The following PPM1E variants were observed in gnomAD, a reference collection of about 807,000 sequenced individuals.
PPM1E encodes protein phosphatase 1E.
A neutral mutation model predicts 65.9 loss-of-function variants in PPM1E; 20 were observed. The observed-to-expected ratio is 0.30, with a 90% CI of 0.21 to 0.44. The LOEUF is 0.44. Ranked by LOEUF, PPM1E falls within the 20% of genes least tolerant of loss-of-function variation. The pLI is 1.00. For missense variants in PPM1E, 713 were observed against 953.1 expected (o/e 0.75, Z 3.32); for synonymous variants, 352 against 374.9 (o/e 0.94, Z 0.70).
intron 6 of PPM1E, among the ~76,000 whole-genome samples, chr17:58,973,369 A>G (rs1293582996): frequency 2.0e-5 from 3 of 151,462 alleles, no homozygotes; most frequent in Non-Finnish European, 2.9e-5. Context: ...GCTAGTGGAG[A>G]TCGCGCCATT....
At chr17:58,970,277 G>A (rs576285303) in intron 4 of PPM1E, among the ~76,000 whole-genome samples, 7 of 152,252 alleles carry the variant, frequency 4.6e-5, no homozygotes, top group South Asian at 2.1e-4. Context: ...CCTACATTGC[G>A]AAGGTTAATC....
chr17:58,774,066 G>A (rs1598561991), intron 1 of PPM1E, among the ~76,000 whole-genome samples: 1 of 152,048 alleles, frequency 6.6e-6, no homozygotes, highest in Non-Finnish European at 1.5e-5. Context: ...GGAGGCTGAG[G>A]CAGGAGAATC....
Position 58,984,878 on chromosome 17 carries a change from A to G in PPM1E, c.*3847A>G, listed in dbSNP as rs948156037. 2.0e-5 allele frequency: 3 copies of G among 152,696 alleles called. No homozygotes were observed. Among genetic ancestry groups the G allele is most frequent in the African/African-American group, 7.2e-5 (3 of 41,594 alleles). The allele number at this position is 152,696 out of a possible 1,614,324, so 9.5% of individuals were successfully genotyped here. On this transcript the variant is annotated 3_prime_UTR_variant, in exon 7 of 7. Transcript: ENST00000308249. Reference sequence around the variant, plus strand: ...TTGAAAAGGAAATAAACTTTGATGAATTAGATAATCCAGATACATCATTGT... The same window carrying G: ...TTGAAAAGGAAATAAACTTTGATGAGTTAGATAATCCAGATACATCATTGT...
rs535901128 is a variant in PPM1E at position 58,871,487 on chromosome 17, T to C, written c.465-84162T>C. ...CTCATCTTTGGGACTTATTTTGTCCTCATAAAGAGCCTTTTGTAGTTTTAA... is the reference window on the plus strand; with the variant it reads ...CTCATCTTTGGGACTTATTTTGTCCCCATAAAGAGCCTTTTGTAGTTTTAA... On this transcript the variant is annotated intron_variant, in intron 1 of 6. Transcript: ENST00000308249. 2.6e-5 allele frequency among the ~76,000 whole-genome samples: 4 copies of C among 152,266 alleles called. No homozygotes were observed. In the South Asian group the frequency reaches 8.3e-4, roughly 32 times the overall value.
chr17:58,822,716 GT>G (rs1226469248), intron 1 of PPM1E, among the ~76,000 whole-genome samples: 1 of 152,156 alleles, frequency 6.6e-6, no homozygotes, highest in Admixed American at 6.5e-5. Flanking sequence ...TTAATAGGTA[GT>G]TTTTTTCTGG....
intron 1 of PPM1E, among the ~76,000 whole-genome samples, chr17:58,805,448 C>T (rs1323235914): frequency 2.6e-5 from 4 of 152,046 alleles, no homozygotes; most frequent in African/African-American, 7.2e-5. Flanking sequence ...TGGGGTTTCT[C>T]CATGTTGGTC....
In PPM1E at chr17:58,794,171, C is replaced by T. The variant is rs184456100; in HGVS notation, c.464+37710C>T. Among the ~76,000 whole-genome samples the T allele has an allele frequency of 1.2e-3, 187 of 152,174 alleles. 1 individual carries two copies. The highest frequency in any genetic ancestry group is 4.3e-3 in the African/African-American group (178 of 41,536). Reference sequence around the variant, plus strand: ...AGTTGGCCAGGCTGGGTATAAACTCCTGACTTCAGGTGATCCGCCCACCTC... The same window carrying T: ...AGTTGGCCAGGCTGGGTATAAACTCTTGACTTCAGGTGATCCGCCCACCTC... On this transcript the variant is annotated intron_variant, in intron 1 of 6. Transcript: ENST00000308249.
intron 1 of PPM1E, among the ~76,000 whole-genome samples, chr17:58,922,579 GCATTGTATTC>G (rs2051766356): frequency 6.6e-6 from 1 of 151,672 alleles, no homozygotes; most frequent in African/African-American, 2.4e-5. Context: ...TTTAATGGCT[GCATTGTATTC>G]CATTGTATTT....
intron 1 of PPM1E, among the ~76,000 whole-genome samples, chr17:58,855,747 C>T (rs1009634429): frequency 6.6e-6 from 1 of 152,114 alleles, no homozygotes; most frequent in African/African-American, 2.4e-5. Context: ...ATAATAGTAA[C>T]AAACCATCCT....
intron 1 of PPM1E, among the ~76,000 whole-genome samples, chr17:58,864,263 T>C (rs2143314166): frequency 6.6e-6 from 1 of 152,282 alleles, no homozygotes; most frequent in Non-Finnish European, 1.5e-5. Flanking sequence ...CACGACAAGT[T>C]CTAACTAATG....
intron 1 of PPM1E, among the ~76,000 whole-genome samples, chr17:58,762,394 T>C (rs2049829589): frequency 6.6e-6 from 1 of 151,974 alleles, no homozygotes; most frequent in Admixed American, 6.6e-5. Flanking sequence ...GCCCAGGAGG[T>C]TGAGGTTGCA....
At chr17:58,848,173 G>A (rs1476338445) in intron 1 of PPM1E, among the ~76,000 whole-genome samples, 3 of 152,196 alleles carry the variant, frequency 2.0e-5, no homozygotes, top group Non-Finnish European at 2.9e-5. Context: ...GAGATTTGGG[G>A]CTGAGACGGT....
At chr17:58,873,626 C>A (rs896550208) in intron 1 of PPM1E, among the ~76,000 whole-genome samples, 3 of 149,900 alleles carry the variant, frequency 2.0e-5, no homozygotes, top group African/African-American at 7.3e-5. Context: ...CAGGGTCTCA[C>A]TTTGTCACCC....
intron 1 of PPM1E, among the ~76,000 whole-genome samples, chr17:58,852,541 G>T (rs1284216806): frequency 6.6e-6 from 1 of 150,628 alleles, no homozygotes; most frequent in African/African-American, 2.4e-5. Flanking sequence ...CTAATGATTA[G>T]TGATACTGAA....
intron 1 of PPM1E, among the ~76,000 whole-genome samples, chr17:58,780,152 TC>T (rs2050037187): frequency 6.6e-6 from 1 of 152,256 alleles, no homozygotes; most frequent in Non-Finnish European, 1.5e-5. Flanking sequence ...TAAAATCTTT[TC>T]TTAAATTCTT....
In PPM1E at chr17:58,980,493, C is replaced by A. The variant is rs768082592; in HGVS notation, c.1730C>A (p.Ala577Glu). The stretch of plus-strand genomic sequence containing the variant: ...TACCTAGATCTCACACAAATAGAAG[C>A]AAGCAAACCTCACAGTGCCCAGTTT... ...PGYLDLTQIE[A>E]SKPHSAQFLL... Residue 577 changes from alanine (A) to glutamate (E), a missense_variant, in exon 7 of 7, where the codon GCA (alanine) becomes GAA (glutamate). By Grantham distance (107) the Ala-to-Glu change is moderately radical. Coordinates refer to ENST00000308249, the MANE Select transcript of PPM1E (RefSeq NM_014906.5). The surrounding 1 kb of genome is among the most constrained non-coding windows in gnomAD (Gnocchi z 4.7). 11 of 1,614,064 alleles carry A rather than the reference C, an allele frequency of 6.8e-6. No individual in the cohort carries two copies.
At chr17:58,946,232 C>G (rs763901447) in intron 1 of PPM1E, among the ~76,000 whole-genome samples, 4 of 152,094 alleles carry the variant, frequency 2.6e-5, no homozygotes, top group Non-Finnish European at 4.4e-5. Context: ...TTCCAGTACC[C>G]CGTCACTCAG....
At chr17:58,816,776 ATATATATATATATATATATTTT>A (rs1406893283) in intron 1 of PPM1E, among the ~76,000 whole-genome samples, 469 of 11,328 alleles carry the variant, frequency 0.041, 10 homozygotes, top group Middle Eastern at 0.062. Context: ...ATATATATAT[ATATATATATATATATATATTTT>A]TTTTTTTTTT....
chr17:58,855,141 C>A (rs2143279726), intron 1 of PPM1E, among the ~76,000 whole-genome samples: 1 of 152,252 alleles, frequency 6.6e-6, no homozygotes, highest in Middle Eastern at 3.4e-3. Context: ...CGAGAAAAAT[C>A]CCCCTGTGCT....
Sources: gnomAD v4.1 joint callset for allele counts (sites outside exome capture counted in the v4.1 genomes callset) on GRCh38, gnomAD v4.1.1 for gene constraint, Gnocchi (gnomAD v3.1) non-coding constraint, MANE v1.5 for transcripts, NCBI Gene and HGNC (gene_info 2026-07-23, HGNC 2026-07-21) for gene names.